PDIA5: variants seen among roughly 807,000 people sequenced by gnomAD.
The protein encoded by PDIA5 is protein disulfide-isomerase A5.
A neutral mutation model predicts 77.6 loss-of-function variants in PDIA5; 58 were observed. That is an observed-to-expected ratio of 0.75 (90% confidence interval 0.61 to 0.93). The LOEUF (loss-of-function observed/expected upper bound fraction) is 0.93, where lower values mean the gene tolerates loss of function less well. Ranked by LOEUF, PDIA5 falls within the 40% of genes least tolerant of loss-of-function variation. PDIA5 has a pLI of 0.00. For missense variants in PDIA5, 630 were observed against 647.7 expected (o/e 0.97, Z 0.30); for synonymous variants, 250 against 252.1 (o/e 0.99, Z 0.08).
At chr3:123,082,574 T>A (rs1300740037) in intron 1 of PDIA5, among the ~76,000 whole-genome samples, 1 of 152,062 alleles carries the variant, frequency 6.6e-6, no homozygotes, top group African/African-American at 2.4e-5. Flanking sequence ...TGTGTGTACG[T>A]GTTCGCTCCT....
chr3:123,129,777 G>A (rs1224299398), intron 10 of PDIA5, among the ~76,000 whole-genome samples: 1 of 152,204 alleles, frequency 6.6e-6, no homozygotes, highest in Non-Finnish European at 1.5e-5. Context: ...AGGTCAGGCG[G>A]CTGCCTAAGG....
intron 11 of PDIA5, among the ~76,000 whole-genome samples, chr3:123,131,133 T>A (rs1200049151): frequency 6.6e-6 from 1 of 152,164 alleles, no homozygotes; most frequent in Non-Finnish European, 1.5e-5. Context: ...TAGCTGGGCA[T>A]GTGGTGCACA....
At chr3:123,127,642 T>G (rs1234155352) in intron 10 of PDIA5, among the ~76,000 whole-genome samples, 1 of 152,228 alleles carries the variant, frequency 6.6e-6, no homozygotes, top group Non-Finnish European at 1.5e-5. Context: ...CATTCTTATT[T>G]ACACCGAACT....
chr3:123,154,706 A>G (rs1436020603), intron 14 of PDIA5, among the ~76,000 whole-genome samples: 1 of 152,180 alleles, frequency 6.6e-6, no homozygotes, highest in Admixed American at 6.5e-5. Flanking sequence ...GAGCAGAACT[A>G]GACTACAGTG....
chr3:123,156,584 G>A (rs369756827), intron 15 of PDIA5, among the ~76,000 whole-genome samples: 66 of 152,278 alleles, frequency 4.3e-4, no homozygotes, highest in African/African-American at 1.5e-3. Context: ...CTGTATTGAC[G>A]TCCATCACGT....
chr3:123,116,621 G>A (rs1172869420), intron 8 of PDIA5, among the ~76,000 whole-genome samples: 1 of 152,230 alleles, frequency 6.6e-6, no homozygotes, highest in Admixed American at 6.5e-5. Flanking sequence ...AGAATTTTGA[G>A]GGCTGGGCTC....
At chr3:123,117,799 T>G (rs1367829780) in intron 8 of PDIA5, among the ~76,000 whole-genome samples, 1 of 152,188 alleles carries the variant, frequency 6.6e-6, no homozygotes, top group Non-Finnish European at 1.5e-5. Context: ...AAATACCTCT[T>G]TGGGATCCTG....
intron 14 of PDIA5, among the ~76,000 whole-genome samples, chr3:123,154,727 C>T (rs1935981351): frequency 1.3e-5 from 2 of 152,182 alleles, no homozygotes; most frequent in African/African-American, 4.8e-5. Flanking sequence ...ACCATCGCCC[C>T]CCAGCCTGGG....
intron 1 of PDIA5, among the ~76,000 whole-genome samples, chr3:123,081,715 A>G (rs1393359725): frequency 6.6e-6 from 1 of 152,214 alleles, no homozygotes; most frequent in Non-Finnish European, 1.5e-5. Flanking sequence ...ACATAATTGA[A>G]TATCTCTGGC....
intron 11 of PDIA5, among the ~76,000 whole-genome samples, chr3:123,143,624 GGGCT>G (rs927335566): frequency 2.0e-5 from 3 of 152,086 alleles, no homozygotes; most frequent in African/African-American, 7.3e-5. Flanking sequence ...AAGATTCTAA[GGGCT>G]GATGCCTTTT....
intron 11 of PDIA5, 190 bp from the exon 12 acceptor site, chr3:123,145,306 TGCAGTTGTTTTATTTTTGTGTCTGGG>T (rs1406732846): frequency 3.6e-6 from 2 of 556,602 alleles, no homozygotes; most frequent in Non-Finnish European, 6.3e-6. Context: ...GTATTATTTA[TGCAGTTGTTTTATTTTTGTGTCTGGG>T]GTACCTTCCC....
intron 16 of PDIA5, 36 bp downstream of exon 16, chr3:123,161,491 C>T (rs1306222936): frequency 6.2e-7 from 1 of 1,602,508 alleles, no homozygotes; most frequent in Admixed American, 1.7e-5. Flanking sequence ...AGAGCTCTCT[C>T]TCTGCTGATG....
intron 4 of PDIA5, 55 bp downstream of exon 4, chr3:123,102,549 G>T: frequency 7.6e-7 from 1 of 1,311,580 alleles, no homozygotes; most frequent in Non-Finnish European, 1.1e-6. Flanking sequence ...GCTTTCATTG[G>T]TATTTTCAGC....
chr3:123,126,361 A>G (rs1232618269), intron 10 of PDIA5, among the ~76,000 whole-genome samples: 2 of 152,154 alleles, frequency 1.3e-5, no homozygotes, highest in African/African-American at 4.8e-5. Context: ...GTGGGAGAGA[A>G]GGAGCTCTTG....
chr3:123,142,701 C>T (rs1201729956), intron 11 of PDIA5, among the ~76,000 whole-genome samples: 1 of 152,232 alleles, frequency 6.6e-6, no homozygotes, highest in Non-Finnish European at 1.5e-5. Flanking sequence ...TTGCCCAGCC[C>T]AGGGGCAGCC....
intron 7 of PDIA5, among the ~76,000 whole-genome samples, chr3:123,111,802 G>A (rs748666804): frequency 1.9e-4 from 29 of 152,122 alleles, no homozygotes; most frequent in Non-Finnish European, 4.3e-4. Flanking sequence ...CAAAAGTTTC[G>A]CAAAACCACT....
intron 8 of PDIA5, among the ~76,000 whole-genome samples, chr3:123,117,399 T>TA (rs60353329): frequency 7.4e-6 from 1 of 135,416 alleles, no homozygotes; most frequent in Non-Finnish European, 1.6e-5. Context: ...TATATATATA[T>TA]TCTGTTTTAG....
At chr3:123,081,630 G>A (rs1934005097) in intron 1 of PDIA5, among the ~76,000 whole-genome samples, 1 of 152,166 alleles carries the variant, frequency 6.6e-6, no homozygotes, top group South Asian at 2.1e-4. Flanking sequence ...AAAAGAGGTT[G>A]AGTCCCACCT....
At chr3:123,085,724 G>A (rs1934122025) in intron 1 of PDIA5, among the ~76,000 whole-genome samples, 1 of 152,196 alleles carries the variant, frequency 6.6e-6, no homozygotes, top group East Asian at 1.9e-4. Flanking sequence ...CCAGAAGCGT[G>A]GGTGCCTACC....
Sources: gnomAD v4.1 joint callset for allele counts (sites outside exome capture counted in the v4.1 genomes callset) on GRCh38, gnomAD v4.1.1 for gene constraint, MANE v1.5 for transcripts, NCBI Gene and HGNC (gene_info 2026-07-23, HGNC 2026-07-21) for gene names.